COL8A1: variants seen among roughly 807,000 people sequenced by gnomAD.
The protein encoded by COL8A1 is collagen alpha-1(VIII) chain.
Under a neutral mutation model 42.7 loss-of-function variants are expected in COL8A1, and 21 were observed. The ratio of observed to expected loss-of-function variants is 0.49; its 90% CI spans 0.35 to 0.71. The LOEUF is 0.71. COL8A1 is among the 30% of genes least tolerant of loss of function. COL8A1 has a pLI of 0.01. For synonymous variants in COL8A1, 367 were observed against 369.1 expected (o/e 0.99, Z 0.06); for missense variants, 788 against 962.4 (o/e 0.82, Z 2.40).
intron 2 of COL8A1, among the ~76,000 whole-genome samples, chr3:99,776,079 T>C (rs1576472613): frequency 2.6e-5 from 4 of 152,338 alleles, no homozygotes; most frequent in Admixed American, 2.6e-4. Flanking sequence ...ATTTCCTTCT[T>C]GCTTACAAGA....
Position 99,681,458 on chromosome 3 carries a change from T to C in COL8A1, c.-129+42794T>C, listed in dbSNP as rs369671125. ...ATAGGGTCCAAAGGAGACTGAAAGA[T>C]TGGAGGGAGGAATTAAAAAAAAGAT... is the stretch of plus-strand genomic sequence containing the variant. On this transcript the variant is annotated intron_variant, in intron 1 of 3. Transcript: ENST00000652472. 9.2e-5 allele frequency among the ~76,000 whole-genome samples: 14 copies of C among 151,990 alleles called. No homozygotes were observed. In the East Asian group the frequency reaches 1.9e-3, roughly 21 times the overall value.
Position 99,795,238 on chromosome 3 carries a change from T to G in COL8A1, c.1337T>G (p.Val446Gly). Residue 446 changes from valine to glycine, a missense_variant, in exon 4 of 4, where the codon GTA becomes GGA. Val to Gly is a moderately radical substitution (Grantham distance 109). This residue lies in a region of COL8A1 where 154 missense variants were observed against 182.3 expected (regional missense o/e 0.84). Coordinates refer to ENST00000652472, the MANE Select transcript of COL8A1 (RefSeq NM_020351.4). Reference sequence around the variant, plus strand: ...GGAAAGCCAGGTTTCCTTGGTGAAGTAGGGCCTCCTGGCATGAGGGGTTTG... The same window carrying G: ...GGAAAGCCAGGTTTCCTTGGTGAAGGAGGGCCTCCTGGCATGAGGGGTTTG... ...FPGKPGFLGEVGPPGMRGLPG... is the reference protein window; with the variant it reads ...FPGKPGFLGEGGPPGMRGLPG... 1 of 1,613,318 alleles carries G rather than the reference T, an allele frequency of 6.2e-7. No individual in the cohort carries two copies. The highest frequency in any genetic ancestry group is 8.5e-7 in the Non-Finnish European group (1 of 1,179,588).
At chr3:99,701,816 G>C (rs1939548861) in intron 1 of COL8A1, among the ~76,000 whole-genome samples, 1 of 152,124 alleles carries the variant, frequency 6.6e-6, no homozygotes, top group Non-Finnish European at 1.5e-5. Flanking sequence ...ACAGGGCCAG[G>C]ACTTCTGATT....
At chr3:99,787,079 G>A (rs1030893817) in intron 2 of COL8A1, among the ~76,000 whole-genome samples, 1 of 152,172 alleles carries the variant, frequency 6.6e-6, no homozygotes, top group South Asian at 2.1e-4. Context: ...GAAAGGGAAA[G>A]TTGGATTCAA....
Position 99,683,479 on chromosome 3 carries a change from GT to G in COL8A1, c.-129+44820del, listed in dbSNP as rs367567475. Among the ~76,000 whole-genome samples, 365 of 152,268 alleles carry G rather than the reference GT, an allele frequency of 2.4e-3. 2 individuals carry two copies. The Middle Eastern group carries it at 0.027, about 11-fold the overall frequency. The stretch of plus-strand genomic sequence containing the variant: ...GACTTTTCATTGAAAATGGAAATAA[GT>G]TTTTGTTTCATTTAGATGTAGAAAG... On this transcript the variant is annotated intron_variant, in intron 1 of 3. Transcript: ENST00000652472.
chr3:99,680,681 T>C (rs965618304), intron 1 of COL8A1, among the ~76,000 whole-genome samples: 1 of 152,166 alleles, frequency 6.6e-6, no homozygotes, highest in South Asian at 2.1e-4. Context: ...TTTTAATGAT[T>C]GCCATTCTAA....
rs1251703952 is a variant in COL8A1, at chr3:99,798,822, T to C, written c.*2686T>C. ...TTTAAAAAAGAGTTTTAAATAATTATCTATGTGCCTGTATTTCCCTTTTGA... is the reference window on the plus strand; with the variant it reads ...TTTAAAAAAGAGTTTTAAATAATTACCTATGTGCCTGTATTTCCCTTTTGA... On this transcript the variant is annotated 3_prime_UTR_variant, in exon 4 of 4. Transcript: ENST00000652472. The C allele has an allele frequency of 6.6e-6, 1 of 152,254 alleles. No individual in the cohort carries two copies. Among genetic ancestry groups the C allele is most frequent in the Admixed American group, 6.5e-5 (1 of 15,286 alleles). The allele number at this position is 152,254 out of a possible 1,614,324, so 9.4% of individuals were successfully genotyped here. A position where few individuals can be genotyped will look rare whatever the true frequency, so the allele number is the denominator to read the frequency against.
At chr3:99,738,640 G>C (rs1940805150) in intron 1 of COL8A1, among the ~76,000 whole-genome samples, 1 of 152,198 alleles carries the variant, frequency 6.6e-6, no homozygotes, top group Non-Finnish European at 1.5e-5. Flanking sequence ...TGTCAGACAG[G>C]GACATTTAAG....
At chr3:99,678,559 T>C (rs1022886444) in intron 1 of COL8A1, 3 of 140,956 alleles carry the variant, frequency 2.1e-5, no homozygotes, top group African/African-American at 7.8e-5. Flanking sequence ...GATAGTAGCG[T>C]AGATCTCCAT....
At chr3:99,690,295 A>G (rs1263042672) in intron 1 of COL8A1, among the ~76,000 whole-genome samples, 1 of 152,254 alleles carries the variant, frequency 6.6e-6, no homozygotes, top group Non-Finnish European at 1.5e-5. Flanking sequence ...AGGAAAATAT[A>G]TATTAATCAG....
intron 1 of COL8A1, among the ~76,000 whole-genome samples, chr3:99,642,665 A>T (rs1937526050): frequency 6.6e-6 from 1 of 152,208 alleles, no homozygotes; most frequent in Non-Finnish European, 1.5e-5. Context: ...AGATGCAGTC[A>T]TAGTCCCTCT....
At chr3:99,784,233 C>G (rs1416133428) in intron 2 of COL8A1, among the ~76,000 whole-genome samples, 1 of 152,058 alleles carries the variant, frequency 6.6e-6, no homozygotes, top group Non-Finnish European at 1.5e-5. Flanking sequence ...CAATTTTTGA[C>G]TAGGAATGTA....
At chr3:99,769,917 C>T (rs1559631555) in intron 2 of COL8A1, among the ~76,000 whole-genome samples, 1 of 150,660 alleles carries the variant, frequency 6.6e-6, no homozygotes, top group East Asian at 1.9e-4. Flanking sequence ...AGATTCCATC[C>T]AAAAAAAAAT....
At chr3:99,751,739 C>G (rs192441487) in intron 2 of COL8A1, among the ~76,000 whole-genome samples, 3 of 152,262 alleles carry the variant, frequency 2.0e-5, no homozygotes, top group Admixed American at 1.3e-4. Flanking sequence ...AGGAAAGACG[C>G]TAACAGTGAC....
At chr3:99,691,097 C>T (rs1939206788) in intron 1 of COL8A1, among the ~76,000 whole-genome samples, 1 of 152,132 alleles carries the variant, frequency 6.6e-6, no homozygotes, top group African/African-American at 2.4e-5. Flanking sequence ...CGGGCTTGAG[C>T]ATGCACGAAT....
intron 1 of COL8A1, chr3:99,703,717 G>C (rs576374539): frequency 6.6e-6 from 1 of 152,314 alleles, no homozygotes; most frequent in East Asian, 1.9e-4. Flanking sequence ...AGAGGGCCTT[G>C]CACATTTCTT....
intron 1 of COL8A1, among the ~76,000 whole-genome samples, chr3:99,654,329 C>A (rs1559768924): frequency 1.3e-5 from 2 of 152,150 alleles, no homozygotes; most frequent in Non-Finnish European, 2.9e-5. Flanking sequence ...CACCCAGGAA[C>A]AATACTTGGC....
chr3:99,743,790 T>G (rs1940956882), intron 1 of COL8A1, among the ~76,000 whole-genome samples: 1 of 152,176 alleles, frequency 6.6e-6, no homozygotes, highest in South Asian at 2.1e-4. Context: ...ATATACCACT[T>G]AAATCACATT....
intron 1 of COL8A1, among the ~76,000 whole-genome samples, chr3:99,722,171 T>C (rs1940175020): frequency 6.6e-6 from 1 of 152,138 alleles, no homozygotes; most frequent in African/African-American, 2.4e-5. Flanking sequence ...CTCCGTGTCA[T>C]ATTTTCAAAA....
Sources: gnomAD v4.1 joint callset for allele counts (sites outside exome capture counted in the v4.1 genomes callset) on GRCh38, gnomAD v4.1.1 for gene constraint, gnomAD v4.1.1 regional missense constraint, MANE v1.5 for transcripts, NCBI Gene and HGNC (gene_info 2026-07-23, HGNC 2026-07-21) for gene names.